The following SHROOM4 variants were observed in gnomAD, a reference collection of about 807,000 sequenced individuals.
SHROOM4 encodes shroom family member 4.
SHROOM4 carries 17 observed loss-of-function variants against 80.3 expected under a neutral mutation model. The ratio of observed to expected loss-of-function variants is 0.21; its 90% CI spans 0.14 to 0.32. SHROOM4 has a LOEUF of 0.32. SHROOM4 is among the 10% of genes least tolerant of loss of function. The pLI is 1.00. For missense variants in SHROOM4, 993 were observed against 1,140.3 expected, an observed-to-expected ratio of 0.87 and a Z score of 1.86; for synonymous variants, 400 against 437.5, an observed-to-expected ratio of 0.91 and a Z score of 1.07.
intron 1 of SHROOM4, among the ~76,000 whole-genome samples, chrX:50,725,828 G>A (rs1934231322): frequency 8.9e-6 from 1 of 112,238 alleles, no homozygotes; most frequent in South Asian, 3.8e-4. Context: ...GGTATTGGGA[G>A]TGGGGCACTG....
rs182738922 is a variant in SHROOM4, at chrX:50,742,894, A to T, written c.118-46957T>A. Among the ~76,000 whole-genome samples, 236 of 112,457 alleles carry T rather than the reference A, an allele frequency of 2.1e-3. 1 individual carries two copies. The highest frequency in any genetic ancestry group is 7.4e-3 in the African/African-American group (230 of 31,005). ...GTCCTTGAGGACAGAGTAGTAACAT[A>T]AATCATTTGGAATTCTTCTGCATAA... On this transcript the variant is annotated intron_variant, in intron 1 of 8. Transcript: ENST00000376020.
chrX:50,602,234 G>A (rs1433429843), intron 7 of SHROOM4, among the ~76,000 whole-genome samples: 5 of 109,852 alleles, frequency 4.6e-5, no homozygotes, highest in African/African-American at 1.7e-4. Flanking sequence ...TGAGATTACA[G>A]GTGCCCACCA....
chrX:50,798,608 A>T (rs1936061244), intron 1 of SHROOM4, among the ~76,000 whole-genome samples: 1 of 111,623 alleles, frequency 9.0e-6, no homozygotes, highest in Admixed American at 9.5e-5. Flanking sequence ...CAGCTCTACC[A>T]CTTACTGGCT....
chrX:50,661,515 T>C (rs1291223952), intron 2 of SHROOM4, among the ~76,000 whole-genome samples: 2 of 112,115 alleles, frequency 1.8e-5, no homozygotes, highest in Non-Finnish European at 3.8e-5. Context: ...AGGTTTTGTG[T>C]TTTGCTTAGA....
intron 2 of SHROOM4, among the ~76,000 whole-genome samples, chrX:50,693,364 C>T (rs1253895421): frequency 9.1e-5 from 10 of 109,995 alleles, no homozygotes; most frequent in Non-Finnish European, 1.3e-4. Context: ...GTCCGAAGTT[C>T]GCAACCAGCC....
At chrX:50,757,958 G>C (rs2147618536) in intron 1 of SHROOM4, among the ~76,000 whole-genome samples, 1 of 111,182 alleles carries the variant, frequency 9.0e-6, no homozygotes, top group Non-Finnish European at 1.9e-5. Flanking sequence ...ACTTATTTAA[G>C]TCTTTCTTTT....
intron 2 of SHROOM4, among the ~76,000 whole-genome samples, chrX:50,688,368 A>G (rs1456695363): frequency 9.0e-6 from 1 of 111,570 alleles, no homozygotes; most frequent in Non-Finnish European, 1.9e-5. Context: ...GATAAAGAAA[A>G]TGTGGTATAT....
chrX:50,764,969 C>CA (rs1935241264), intron 1 of SHROOM4, among the ~76,000 whole-genome samples: 1 of 111,899 alleles, frequency 8.9e-6, no homozygotes, highest in Admixed American at 9.4e-5. Context: ...TGGCAGCAGG[C>CA]AATAGAGCAT....
chrX:50,610,865 TTAAAGCAAA>T, intron 5 of SHROOM4, among the ~76,000 whole-genome samples: 1 of 112,016 alleles, frequency 8.9e-6, no homozygotes, highest in Non-Finnish European at 1.9e-5. Context: ...ATAAAAATTC[TTAAAGCAAA>T]ATCTATAGCA....
At position 50,801,965 on chromosome X, in the gene SHROOM4, G is replaced by A. The variant is rs540244043; in HGVS notation, c.117+11937C>T. On this transcript the variant is annotated intron_variant, in intron 1 of 8. Transcript: ENST00000376020. ...ATTTAGACCAGGTTGCATGGCATAA[G>A]CATCTTTACAACATTCGGATTTTCA... is the stretch of plus-strand genomic sequence containing the variant. Among the ~76,000 whole-genome samples, 21 of 112,209 alleles carry A rather than the reference G, an allele frequency of 1.9e-4. No homozygotes were observed. In the South Asian group the frequency reaches 7.8e-3, roughly 42 times the overall value.
chrX:50,746,248 T>C (rs146424936), intron 1 of SHROOM4, among the ~76,000 whole-genome samples: 3 of 111,944 alleles, frequency 2.7e-5, no homozygotes, highest in East Asian at 5.6e-4. Flanking sequence ...CAGTTTTCTC[T>C]GTCCCCCTCC....
intron 5 of SHROOM4, among the ~76,000 whole-genome samples, 173 bp from the exon 6 acceptor site, chrX:50,608,357 G>A (rs782735600): frequency 1.2e-4 from 13 of 111,769 alleles, no homozygotes; most frequent in Non-Finnish European, 1.9e-4. Context: ...CACTTACTGA[G>A]CACACACTAA....
At chrX:50,577,716 A>G in the SHROOM4 span, among the ~76,000 whole-genome samples, 6 of 111,894 alleles carry the variant, frequency 5.4e-5, no homozygotes, top group African/African-American at 2.0e-4. Flanking sequence ...CGGCAGAAAT[A>G]TCTCCAACCA....
At chrX:50,580,003 C>T in the SHROOM4 span, among the ~76,000 whole-genome samples, 3 of 111,613 alleles carry the variant, frequency 2.7e-5, no homozygotes, top group Middle Eastern at 0.014. Flanking sequence ...CTCCTCCAGT[C>T]CCCATTCTTC....
chrX:50,774,091 G>A (rs1216756574), intron 1 of SHROOM4, among the ~76,000 whole-genome samples: 8 of 111,760 alleles, frequency 7.2e-5, no homozygotes, highest in Admixed American at 2.8e-4. Context: ...CCACTTTTGC[G>A]GTGGAGGTCT....
intron 1 of SHROOM4, among the ~76,000 whole-genome samples, chrX:50,730,215 G>C (rs991186756): frequency 9.0e-6 from 1 of 111,006 alleles, no homozygotes; most frequent in Non-Finnish European, 1.9e-5. Context: ...ATCACCTGAG[G>C]TTGGGAGTTC....
At chrX:50,585,097 C>A (rs1319764504), downstream of SHROOM4, among the ~76,000 whole-genome samples, 1 of 111,042 alleles carries the variant, frequency 9.0e-6, no homozygotes, top group Non-Finnish European at 1.9e-5. Flanking sequence ...AAATATGAAG[C>A]CCACAGCAAA....
intron 2 of SHROOM4, among the ~76,000 whole-genome samples, chrX:50,684,568 A>T (rs1443567004): frequency 8.9e-6 from 1 of 112,124 alleles, no homozygotes; most frequent in Non-Finnish European, 1.9e-5. Flanking sequence ...TTTTCAAAAT[A>T]GTTTACCTGT....
rs1311506689 is a variant in SHROOM4, at chrX:50,806,180, A to G, written c.117+7722T>C. Among the ~76,000 whole-genome samples the G allele has an allele frequency of 2.7e-5, 3 of 111,174 alleles. No homozygotes were observed. The East Asian group carries it at 8.4e-4, about 31-fold the overall frequency. ...ATGGGAACTAAAGACTTGACATGAA[A>G]GAAGGACAGCCTAGATGCATGGAAA... On this transcript the variant is annotated intron_variant, in intron 1 of 8. Coordinates refer to ENST00000376020, the MANE Select transcript of SHROOM4 (RefSeq NM_020717.5).
Sources: gnomAD v4.1 joint callset for allele counts (sites outside exome capture counted in the v4.1 genomes callset) on GRCh38, gnomAD v4.1.1 for gene constraint, MANE v1.5 for transcripts, NCBI Gene and HGNC (gene_info 2026-07-23, HGNC 2026-07-21) for gene names.